Variants in TEX36 observed in about 807,000 individuals in gnomAD.
The protein encoded by TEX36 is testis-expressed protein 36.
A neutral mutation model predicts 13.6 loss-of-function variants in TEX36; 12 were observed. The ratio of observed to expected loss-of-function variants is 0.88; its 90% CI spans 0.56 to 1.43. The LOEUF (loss-of-function observed/expected upper bound fraction) is 1.43. Among genes scored for constraint, TEX36 ranks in the 40% most tolerant of loss-of-function variants. The probability of loss-of-function intolerance (pLI) is 0.00; values close to 1 mark genes in which losing one functional copy is unlikely to be tolerated. For synonymous variants in TEX36, 93 were observed against 83.0 expected (o/e 1.12, Z -0.65); for missense variants, 224 against 228.3 (o/e 0.98, Z 0.12).
downstream of TEX36, among the ~76,000 whole-genome samples, chr10:125,651,345 T>C (rs1398967201): frequency 6.6e-6 from 1 of 152,070 alleles, no homozygotes; most frequent in Non-Finnish European, 1.5e-5. Context: ...GTTCAACATA[T>C]ACAAATCAAT....
intron 3 of TEX36, chr10:125,621,654 G>C: frequency 2.2e-6 from 1 of 456,026 alleles, no homozygotes; most frequent in Non-Finnish European, 4.4e-6. Context: ...AACTGGGAAA[G>C]AGAAAAGCCA....
At chr10:125,677,250 T>C (rs531824246) in intron 1 of TEX36, among the ~76,000 whole-genome samples, 8 of 152,226 alleles carry the variant, frequency 5.3e-5, no homozygotes, top group Non-Finnish European at 8.8e-5. Context: ...GATCTCTTTC[T>C]GGACTTGGGA....
intron 3 of TEX36, among the ~76,000 whole-genome samples, chr10:125,639,844 T>C (rs1216120921): frequency 2.0e-5 from 3 of 152,236 alleles, no homozygotes; most frequent in Non-Finnish European, 2.9e-5. Context: ...TGAGATTATG[T>C]TGAGACTTCT....
At chr10:125,641,904 C>G (rs2133576223) in intron 3 of TEX36, among the ~76,000 whole-genome samples, 1 of 152,282 alleles carries the variant, frequency 6.6e-6, no homozygotes, top group East Asian at 1.9e-4. Context: ...ACAGTGTTAT[C>G]TCTTTTGTAG....
chr10:125,625,263 G>C (rs1353439906), intron 3 of TEX36, among the ~76,000 whole-genome samples: 1 of 152,186 alleles, frequency 6.6e-6, no homozygotes, highest in Non-Finnish European at 1.5e-5. Context: ...TCCAGGCCCA[G>C]CACAAAGTAA....
chr10:125,594,228 A>T (rs1236615052), intron 3 of TEX36, among the ~76,000 whole-genome samples: 1 of 152,248 alleles, frequency 6.6e-6, no homozygotes. Flanking sequence ...TTCTCGAATA[A>T]GTAGAGCAAT....
chr10:125,670,508 AT>A, intron 1 of TEX36, among the ~76,000 whole-genome samples: 1 of 152,262 alleles, frequency 6.6e-6, no homozygotes, highest in Middle Eastern at 3.4e-3. Flanking sequence ...AGATGGATAG[AT>A]TGCAAAAAAT....
Position 125,655,767 on chromosome 10 carries a change from GT to G in TEX36, c.*132del. On this transcript the variant is annotated 3_prime_UTR_variant, in exon 4 of 4. Coordinates refer to ENST00000368821, the MANE Select transcript of TEX36 (RefSeq NM_001128202.3). ...AAATTCATTTCACAAGGATTTGAAT[GT>G]TTTTTGACCTTATAAAAATCATAAA... 1 of 1,339,624 alleles carries G rather than the reference GT, an allele frequency of 7.5e-7. No individual in the cohort carries two copies. The allele number at this position is 1,339,624 out of a possible 1,614,324, so 83.0% of individuals were successfully genotyped here.
rs534029479 is a variant in TEX36 at position 125,593,473 on chromosome 10, A to G, written c.265-16599T>C. Among the ~76,000 whole-genome samples the G allele has an allele frequency of 8.9e-4, 135 of 152,298 alleles. 2 individuals carry two copies. Among genetic ancestry groups the G allele is most frequent in the Non-Finnish European group, 8.5e-4 (58 of 68,020 alleles). ...TAGCTTCTCTAGACCTCAGAGTCCC[A>G]TTAGGGTAATAAAGTCTTCGGTGCT... On this transcript the variant is annotated intron_variant, in intron 3 of 3. Transcript: ENST00000532135.
At chr10:125,616,738 G>C (rs1291367063), downstream of TEX36, among the ~76,000 whole-genome samples, 502 of 125,954 alleles carry the variant, frequency 4.0e-3, 3 homozygotes, top group East Asian at 0.024. Flanking sequence ...GTGTGGTGTG[G>C]TGCTGAAAAA....
intron 1 of TEX36, among the ~76,000 whole-genome samples, chr10:125,680,192 T>C (rs1847372714): frequency 1.3e-5 from 2 of 152,200 alleles, no homozygotes; most frequent in African/African-American, 4.8e-5. Context: ...TCCTTCACCC[T>C]TCCTCCAGTC....
intron 3 of TEX36, among the ~76,000 whole-genome samples, chr10:125,648,479 A>C (rs1240656844): frequency 6.6e-6 from 1 of 152,220 alleles, no homozygotes; most frequent in Non-Finnish European, 1.5e-5. Context: ...CAGAAAGGAC[A>C]TCCACAACAA....
At chr10:125,682,181 A>G (rs1215035132) in intron 1 of TEX36, among the ~76,000 whole-genome samples, 1 of 152,168 alleles carries the variant, frequency 6.6e-6, no homozygotes. Context: ...GCCATGAAAT[A>G]TACATGTTGA....
At chr10:125,610,203 A>G (rs774300954) in intron 3 of TEX36, among the ~76,000 whole-genome samples, 2 of 152,242 alleles carry the variant, frequency 1.3e-5, no homozygotes, top group Non-Finnish European at 2.9e-5. Context: ...ATAACCATAA[A>G]AATAGCCAAC....
At chr10:125,675,770 A>T (rs1847301463) in intron 1 of TEX36, among the ~76,000 whole-genome samples, 1 of 152,072 alleles carries the variant, frequency 6.6e-6, no homozygotes. Flanking sequence ...TGCAGGATTC[A>T]CTCACCATTT....
intron 3 of TEX36, among the ~76,000 whole-genome samples, chr10:125,608,649 C>T (rs1052704148): frequency 3.3e-5 from 5 of 152,124 alleles, no homozygotes; most frequent in African/African-American, 1.2e-4. Flanking sequence ...CCTATTTCAG[C>T]CTCCCCGCTC....
intron 3 of TEX36, among the ~76,000 whole-genome samples, chr10:125,627,486 ATTAAC>A (rs1055254800): frequency 6.6e-5 from 10 of 152,202 alleles, no homozygotes; most frequent in African/African-American, 1.7e-4. Context: ...AAAAAAATCT[ATTAAC>A]TTAAGTTCTT....
At chr10:125,640,036 C>T (rs991680446) in intron 3 of TEX36, 15 of 378,590 alleles carry the variant, frequency 4.0e-5, no homozygotes, top group African/African-American at 2.6e-4. Context: ...GCAGAGAAGG[C>T]GTAGTATTCC....
At chr10:125,671,691 G>C (rs771589971) in intron 1 of TEX36, among the ~76,000 whole-genome samples, 1 of 152,178 alleles carries the variant, frequency 6.6e-6, no homozygotes, top group Non-Finnish European at 1.5e-5. Flanking sequence ...GTTCTGAAAA[G>C]TTTCAGGAGA....
Sources: allele counts gnomAD v4.1 joint callset (sites outside exome capture counted in the v4.1 genomes callset), GRCh38; gene constraint gnomAD v4.1.1; transcripts MANE v1.5; gene names NCBI Gene and HGNC (gene_info 2026-07-23, HGNC 2026-07-21).